The following MGAT4C variants were observed in gnomAD, a reference collection of about 807,000 sequenced individuals.
The protein encoded by MGAT4C is MGAT4 family member C.
Under a neutral mutation model 40.1 loss-of-function variants are expected in MGAT4C, and 19 were observed. That is an observed-to-expected ratio of 0.47 (90% CI 0.33 to 0.70). The LOEUF is 0.70. MGAT4C is among the 30% of genes least tolerant of loss of function. The pLI is 0.02. For missense variants in MGAT4C, 491 were observed against 563.2 expected, an observed-to-expected ratio of 0.87 and a Z score of 1.30; for synonymous variants, 181 against 187.1, an observed-to-expected ratio of 0.97 and a Z score of 0.27.
intron 2 of MGAT4C, among the ~76,000 whole-genome samples, chr12:86,520,458 C>G (rs1958773304): frequency 6.6e-6 from 1 of 152,100 alleles, no homozygotes; most frequent in Admixed American, 6.6e-5. Context: ...ACCACATTTT[C>G]TTTTTCCAGT....
At chr12:86,427,450 C>T (rs1468641739) in intron 3 of MGAT4C, among the ~76,000 whole-genome samples, 3 of 151,872 alleles carry the variant, frequency 2.0e-5, no homozygotes, top group Non-Finnish European at 4.4e-5. Flanking sequence ...TGGTTCTGTA[C>T]TTAATGAAGC....
At chr12:86,649,195 T>C (rs1438591989) in intron 2 of MGAT4C, among the ~76,000 whole-genome samples, 5 of 151,808 alleles carry the variant, frequency 3.3e-5, no homozygotes, top group Non-Finnish European at 7.4e-5. Context: ...AAAACCTCTG[T>C]ACTTCAGACC....
In MGAT4C at chr12:86,422,793, T is replaced by C. The variant is rs537285451; in HGVS notation, c.-120+12364A>G. ...ATACTCTTCTGAAATTGTTGTATTTTATTTTGGAAAAAAAACATAGAGTAT... is the reference window on the plus strand; with the variant it reads ...ATACTCTTCTGAAATTGTTGTATTTCATTTTGGAAAAAAAACATAGAGTAT... On this transcript the variant is annotated intron_variant, in intron 3 of 7. Coordinates refer to the MGAT4C transcript ENST00000548651. Among the ~76,000 whole-genome samples the C allele has an allele frequency of 2.6e-5, 4 of 152,196 alleles. No individual in the cohort carries two copies. The East Asian group carries it at 7.7e-4, about 29-fold the overall frequency.
chr12:86,706,264 AT>A (rs2136623802), intron 2 of MGAT4C, among the ~76,000 whole-genome samples: 1 of 152,306 alleles, frequency 6.6e-6, no homozygotes, highest in East Asian at 1.9e-4. Flanking sequence ...AAGACAGGGA[AT>A]TTGAGGGAGA....
chr12:86,334,202 C>A (rs1228533661), intron 3 of MGAT4C: 1 of 152,040 alleles, frequency 6.6e-6, no homozygotes, highest in African/African-American at 2.4e-5. Flanking sequence ...AATAAACTCC[C>A]AGTTAGTCAA....
chr12:86,703,251 T>A (rs1263693500), intron 2 of MGAT4C, among the ~76,000 whole-genome samples: 1 of 152,124 alleles, frequency 6.6e-6, no homozygotes, highest in Non-Finnish European at 1.5e-5. Context: ...CAACAAAAAA[T>A]TTAGAATAAA....
At chr12:85,990,109 A>G (rs1885715986) in intron 2 of MGAT4C, among the ~76,000 whole-genome samples, 1 of 152,048 alleles carries the variant, frequency 6.6e-6, no homozygotes, top group African/African-American at 2.4e-5. Context: ...CTGGGTTACA[A>G]TTGCTTTGCT....
chr12:86,544,403 A>G (rs1959182747), intron 2 of MGAT4C, among the ~76,000 whole-genome samples: 1 of 152,056 alleles, frequency 6.6e-6, no homozygotes. Flanking sequence ...TGGTGGATTT[A>G]TTTGTATCCT....
chr12:86,040,835 G>C (rs1474057794), intron 2 of MGAT4C, among the ~76,000 whole-genome samples: 4 of 152,196 alleles, frequency 2.6e-5, no homozygotes, highest in African/African-American at 9.7e-5. Context: ...GCACTGGAGT[G>C]AATCTCCTGG....
intron 1 of MGAT4C, among the ~76,000 whole-genome samples, chr12:86,248,879 T>C (rs984466965): frequency 6.6e-6 from 1 of 152,184 alleles, no homozygotes; most frequent in South Asian, 2.1e-4. Flanking sequence ...TGAAACTAGC[T>C]AGTGTTATGC....
chr12:86,817,669 C>T (rs576929561), intron 1 of MGAT4C, among the ~76,000 whole-genome samples: 2 of 151,658 alleles, frequency 1.3e-5, no homozygotes, highest in South Asian at 4.1e-4. Context: ...TTTCTCCTTC[C>T]ATAATTTAGA....
At chr12:86,037,850 A>C (rs552685149) in intron 2 of MGAT4C, among the ~76,000 whole-genome samples, 6 of 149,434 alleles carry the variant, frequency 4.0e-5, no homozygotes, top group African/African-American at 1.5e-4. Flanking sequence ...ATCCTTGTGA[A>C]TTTTCTGTAT....
At chr12:86,488,399 C>T (rs1337682399) in intron 2 of MGAT4C, among the ~76,000 whole-genome samples, 2 of 151,346 alleles carry the variant, frequency 1.3e-5, no homozygotes, top group African/African-American at 4.9e-5. Context: ...CGTACTCCAG[C>T]CTGGGTGACA....
intron 1 of MGAT4C, among the ~76,000 whole-genome samples, chr12:86,786,235 G>C (rs1951929011): frequency 6.6e-6 from 1 of 152,050 alleles, no homozygotes; most frequent in Admixed American, 6.6e-5. Context: ...TGCATAAAGT[G>C]CTTTGTGAAC....
intron 1 of MGAT4C, chr12:86,727,248 A>T (rs1172898402): frequency 6.6e-6 from 1 of 152,132 alleles, no homozygotes; most frequent in African/African-American, 2.4e-5. Context: ...GAAGCTGTCA[A>T]GGAGAAAAAT....
At chr12:86,336,035 C>T (rs1057173434) in intron 3 of MGAT4C, among the ~76,000 whole-genome samples, 1 of 152,072 alleles carries the variant, frequency 6.6e-6, no homozygotes, top group African/African-American at 2.4e-5. Context: ...TCTTACCAAC[C>T]CTTGCGTCAA....
At chr12:86,474,483 C>T (rs1304243479) in intron 2 of MGAT4C, among the ~76,000 whole-genome samples, 1 of 151,630 alleles carries the variant, frequency 6.6e-6, no homozygotes, top group African/African-American at 2.4e-5. Context: ...AACAAACCTG[C>T]ACATTGTGCA....
chr12:86,079,344 T>C (rs550610237), intron 1 of MGAT4C, among the ~76,000 whole-genome samples: 75 of 152,308 alleles, frequency 4.9e-4, no homozygotes, highest in African/African-American at 1.8e-3. Context: ...TTTTCTCCTT[T>C]TAATTCATTT....
chr12:86,268,696 T>C (rs1375787416), intron 4 of MGAT4C, among the ~76,000 whole-genome samples: 6 of 140,344 alleles, frequency 4.3e-5, no homozygotes, highest in Non-Finnish European at 9.3e-5. Flanking sequence ...TACATATATA[T>C]ACACATATAT....
Sources: allele counts gnomAD v4.1 joint callset (sites outside exome capture counted in the v4.1 genomes callset), GRCh38; gene constraint gnomAD v4.1.1; transcripts MANE v1.5; gene names NCBI Gene and HGNC (gene_info 2026-07-23, HGNC 2026-07-21).